RUSC2: variants seen among roughly 807,000 people sequenced by gnomAD.
RUSC2 encodes the protein AP-4 complex accessory subunit RUSC2.
In RUSC2, 34 loss-of-function variants were observed where a neutral mutation model predicts 122.2. The observed-to-expected ratio is 0.28, with a 90% CI of 0.21 to 0.37. The LOEUF is 0.37. RUSC2 is among the 10% of genes least tolerant of loss of function. The pLI is 1.00. For missense variants in RUSC2, 1,747 were observed against 1,952.4 expected (o/e 0.89, Z 1.98); for synonymous variants, 784 against 790.0 (o/e 0.99, Z 0.13).
intron 1 of RUSC2, among the ~76,000 whole-genome samples, chr9:35,515,985 C>T (rs139906808): frequency 0.013 from 861 of 67,550 alleles, 11 homozygotes; most frequent in African/African-American, 0.044. Flanking sequence ...AGCGACACAG[C>T]GAGATTCTTG....
chr9:35,521,940 T>G (rs1564251648), intron 1 of RUSC2, among the ~76,000 whole-genome samples: 1 of 152,268 alleles, frequency 6.6e-6, no homozygotes, highest in Non-Finnish European at 1.5e-5. Flanking sequence ...ATCAGACTCC[T>G]GATGCCATAG....
Position 35,547,492 on chromosome 9 carries a change from T to A in RUSC2, c.971T>A (p.Leu324Gln). The A allele has an allele frequency of 6.2e-7, 1 of 1,614,206 alleles. No homozygotes were observed. Among genetic ancestry groups the A allele is most frequent in the Non-Finnish European group, 8.5e-7 (1 of 1,180,038 alleles). Residue 324 changes from leucine to glutamine, a missense_variant, in exon 2 of 12, where the codon CTG becomes CAG. Coordinates refer to ENST00000361226, the MANE Select transcript of RUSC2 (RefSeq NM_014806.5). This position sits in a 1 kb window ranked among gnomAD's most constrained non-coding sequence, Gnocchi z 4.6. ...GACCCTGGCGCCTTCTATCTGGATC[T>A]GCAGCCCTCCCCATTTGAGTCTAAG... is the stretch of plus-strand genomic sequence containing the variant. ...HSDPGAFYLD[L>Q]QPSPFESKMS...
In RUSC2 at chr9:35,561,161, T is replaced by C. The variant is rs771314280; in HGVS notation, c.4350-20T>C. ...GGCTTTTGAGGGGGTTTCTCTGACCTCCATGTGCTGTTTCCCCAGTGAGGT... is the reference window on the plus strand; with the variant it reads ...GGCTTTTGAGGGGGTTTCTCTGACCCCCATGTGCTGTTTCCCCAGTGAGGT... On this transcript the variant is annotated intron_variant, in intron 11 of 11. Coordinates refer to ENST00000361226, the MANE Select transcript of RUSC2 (RefSeq NM_014806.5). 1 of 1,613,584 alleles carries C rather than the reference T, an allele frequency of 6.2e-7. No individual in the cohort carries two copies. The highest frequency in any genetic ancestry group is 2.2e-5 in the East Asian group (1 of 44,882).
At chr9:35,534,685 G>A (rs1238140393) in intron 1 of RUSC2, among the ~76,000 whole-genome samples, 2 of 152,090 alleles carry the variant, frequency 1.3e-5, no homozygotes, top group African/African-American at 4.8e-5. Flanking sequence ...GTTTTGCCAT[G>A]TTGGCCAGGC....
intron 1 of RUSC2, among the ~76,000 whole-genome samples, chr9:35,506,425 T>C (rs1587838487): frequency 2.6e-5 from 4 of 152,356 alleles, no homozygotes; most frequent in Middle Eastern, 3.4e-3. Flanking sequence ...CAATTCGTGA[T>C]AGGCTTTATT....
At chr9:35,550,210 CAA>C (rs75685185) in intron 2 of RUSC2, among the ~76,000 whole-genome samples, 20 of 106,232 alleles carry the variant, frequency 1.9e-4, no homozygotes, top group Admixed American at 4.8e-4. Flanking sequence ...AACTCCACCT[CAA>C]AAAAAAAAAA....
intron 1 of RUSC2, among the ~76,000 whole-genome samples, chr9:35,498,857 CAAAA>C (rs932584560): frequency 6.9e-5 from 10 of 144,492 alleles, no homozygotes; most frequent in East Asian, 2.1e-4. Context: ...AAAAAAAAAA[CAAAA>C]AAAGAAAAAA....
At chr9:35,497,585 T>C (rs1203325020) in intron 1 of RUSC2, among the ~76,000 whole-genome samples, 1 of 152,172 alleles carries the variant, frequency 6.6e-6, no homozygotes, top group Non-Finnish European at 1.5e-5. Flanking sequence ...GGAAGCTATC[T>C]TAGGACAACA....
chr9:35,526,631 G>T (rs909863863), intron 1 of RUSC2, among the ~76,000 whole-genome samples: 1 of 152,130 alleles, frequency 6.6e-6, no homozygotes, highest in East Asian at 1.9e-4. Context: ...ATTTTACTTG[G>T]TGTGGGGTAC....
intron 1 of RUSC2, among the ~76,000 whole-genome samples, 198 bp downstream of exon 1, chr9:35,490,370 T>C (rs999027635): frequency 2.0e-5 from 3 of 151,838 alleles, no homozygotes; most frequent in Non-Finnish European, 4.4e-5. Flanking sequence ...CCAGCCCTTC[T>C]GACCCTTGGC....
rs1822184517 is a variant in RUSC2, at chr9:35,561,758, C to T, written c.*376C>T. The T allele has an allele frequency of 1.8e-6, 1 of 551,186 alleles. No individual in the cohort carries two copies. Among genetic ancestry groups the T allele is most frequent in the African/African-American group, 1.9e-5 (1 of 53,274 alleles). 34.1% of individuals were successfully genotyped at this position (551,186 alleles called of 1,614,324 possible). On this transcript the variant is annotated 3_prime_UTR_variant, in exon 12 of 12. Transcript: ENST00000361226. ...ATGGGTAACAGTATTGGGGCCAGAT[C>T]CCTAAGCCCCCCAGCTGTAAATAGG... is the stretch of plus-strand genomic sequence containing the variant.
chr9:35,509,216 A>C (rs1188094074), intron 1 of RUSC2, among the ~76,000 whole-genome samples: 1 of 152,182 alleles, frequency 6.6e-6, no homozygotes, highest in African/African-American at 2.4e-5. Flanking sequence ...AGTCCCAGCT[A>C]CTCAGGATGC....
At chr9:35,527,278 C>T (rs1235938676) in intron 1 of RUSC2, among the ~76,000 whole-genome samples, 1 of 152,056 alleles carries the variant, frequency 6.6e-6, no homozygotes, top group African/African-American at 2.4e-5. Flanking sequence ...GCTGGGACTA[C>T]AGGTGTGCAC....
chr9:35,558,658 C>A lies in RUSC2; in HGVS notation c.3341+91C>A, dbSNP rs888927471. 15 of 1,091,594 alleles carry A rather than the reference C, an allele frequency of 1.4e-5. No homozygotes were observed. The highest frequency in any genetic ancestry group is 2.1e-5 in the Non-Finnish European group (15 of 713,562). The allele number at this position is 1,091,594 out of a possible 1,614,324, so 67.6% of individuals were successfully genotyped here. A position where few individuals can be genotyped will look rare whatever the true frequency, so the allele number is the denominator to read the frequency against. On this transcript the variant is annotated intron_variant, in intron 8 of 11. Coordinates refer to ENST00000361226, the MANE Select transcript of RUSC2 (RefSeq NM_014806.5). The surrounding 1 kb of genome is among the most constrained non-coding windows in gnomAD (Gnocchi z 4.3). The stretch of plus-strand genomic sequence containing the variant: ...TGCACCAAGGAAACAACGCCCTGGA[C>A]AGACAGAAAGGGTGGATCTGGAGGG...
chr9:35,558,525 G>C lies in RUSC2; in HGVS notation c.3299G>C (p.Ser1100Thr). ...GTCAGCCAATTCCCAGAGCTCACCA[G>C]TCATACCATGCGCTTCAACGCCTTC... Reference protein sequence around the residue: ...NKVSQFPELTSHTMRFNAFIL... With the variant: ...NKVSQFPELTTHTMRFNAFIL... The change falls in exon 8 of 12, where the codon AGT (serine) becomes ACT (threonine). Residue 1100 changes from serine (S) to threonine (T), a missense_variant. By Grantham distance (58) the Ser-to-Thr change is moderately conservative. Coordinates refer to ENST00000361226, the MANE Select transcript of RUSC2 (RefSeq NM_014806.5). The surrounding 1 kb of genome is among the most constrained non-coding windows in gnomAD (Gnocchi z 4.3). 1.2e-6 allele frequency: 2 copies of C among 1,614,186 alleles called. No individual in the cohort carries two copies. The highest frequency in any genetic ancestry group is 1.7e-6 in the Non-Finnish European group (2 of 1,180,030).
At chr9:35,543,892 G>C (rs1298165656) in intron 1 of RUSC2, among the ~76,000 whole-genome samples, 3 of 152,222 alleles carry the variant, frequency 2.0e-5, no homozygotes, top group African/African-American at 7.2e-5. Flanking sequence ...TTTGGCTACT[G>C]TGAATAATGC....
chr9:35,512,695 G>A (rs964331793), intron 1 of RUSC2, among the ~76,000 whole-genome samples: 14 of 152,210 alleles, frequency 9.2e-5, no homozygotes, highest in Middle Eastern at 6.8e-3. Context: ...CATACCATGA[G>A]TTATACTTTG....
chr9:35,520,713 G>C (rs750647814), intron 1 of RUSC2, among the ~76,000 whole-genome samples: 7 of 152,064 alleles, frequency 4.6e-5, no homozygotes, highest in Non-Finnish European at 1.0e-4. Context: ...GGCCTTTTTT[G>C]TTCCAGCTAA....
At chr9:35,506,637 TTA>T (rs1820921886) in intron 1 of RUSC2, among the ~76,000 whole-genome samples, 1 of 152,164 alleles carries the variant, frequency 6.6e-6, no homozygotes. Context: ...TTCACAGAGA[TTA>T]TAGCCTGGCA....
Sources: allele counts gnomAD v4.1 joint callset (sites outside exome capture counted in the v4.1 genomes callset), GRCh38; gene constraint gnomAD v4.1.1; non-coding constraint Gnocchi (gnomAD v3.1); transcripts MANE v1.5; gene names NCBI Gene and HGNC (gene_info 2026-07-23, HGNC 2026-07-21).